The following RABGAP1L variants were observed in gnomAD, a reference collection of about 807,000 sequenced individuals.
The protein encoded by RABGAP1L is rab GTPase-activating protein 1-like.
A neutral mutation model predicts 137.7 loss-of-function variants in RABGAP1L; 63 were observed. The observed-to-expected ratio is 0.46, with a 90% CI of 0.37 to 0.56. The LOEUF is 0.56. Among genes scored for constraint, RABGAP1L ranks in the 20% least tolerant of loss-of-function variants. The pLI, the probability that RABGAP1L is intolerant of heterozygous loss-of-function variation, is 0.00. For synonymous variants in RABGAP1L, 431 were observed against 433.7 expected (o/e 0.99, Z 0.08); for missense variants, 1,095 against 1,244.0 (o/e 0.88, Z 1.80).
chr1:174,813,904 T>C (rs2148863961), intron 19 of RABGAP1L, among the ~76,000 whole-genome samples: 1 of 152,284 alleles, frequency 6.6e-6, no homozygotes, highest in African/African-American at 2.4e-5. Flanking sequence ...AAATAAAATA[T>C]TTATTTCTAA....
chr1:174,313,430 T>C (rs1335890342), intron 11 of RABGAP1L, among the ~76,000 whole-genome samples: 2 of 152,194 alleles, frequency 1.3e-5, no homozygotes, highest in Non-Finnish European at 2.9e-5. Context: ...TTGACTTCTT[T>C]CTTTCCAATT....
At chr1:174,240,382 G>C (rs1671702048) in intron 4 of RABGAP1L, among the ~76,000 whole-genome samples, 1 of 152,182 alleles carries the variant, frequency 6.6e-6, no homozygotes, top group Non-Finnish European at 1.5e-5. Context: ...GAATAGCTGG[G>C]AATACCGGTT....
At chr1:174,754,354 A>G (rs1331267244) in intron 18 of RABGAP1L, among the ~76,000 whole-genome samples, 1 of 152,230 alleles carries the variant, frequency 6.6e-6, no homozygotes, top group African/African-American at 2.4e-5. Flanking sequence ...GGAAAAAAAG[A>G]ATACGCAAAC....
intron 10 of RABGAP1L, among the ~76,000 whole-genome samples, chr1:174,286,399 A>G (rs1270830671): frequency 6.6e-6 from 1 of 152,010 alleles, no homozygotes; most frequent in Non-Finnish European, 1.5e-5. Context: ...TTTCTGTGGT[A>G]TCAGTTATAA....
chr1:174,402,386 T>G (rs1372098137), intron 13 of RABGAP1L, among the ~76,000 whole-genome samples: 1 of 152,168 alleles, frequency 6.6e-6, no homozygotes, highest in Non-Finnish European at 1.5e-5. Context: ...ACTATCTCAT[T>G]TCTATATACT....
At chr1:174,925,329 CAG>C (rs1328234413) in intron 19 of RABGAP1L, among the ~76,000 whole-genome samples, 1 of 115,310 alleles carries the variant, frequency 8.7e-6, no homozygotes, top group Non-Finnish European at 1.6e-5. Context: ...GCCTGGGAGA[CAG>C]AGCGAGACTC....
chr1:174,588,269 T>G (rs6701696), intron 13 of RABGAP1L, among the ~76,000 whole-genome samples: 21,680 of 151,978 alleles, frequency 0.14, 5,193 homozygotes, highest in African/African-American at 0.49. Context: ...GTTCAAGTAA[T>G]TCTCCTGCCT....
intron 14 of RABGAP1L, among the ~76,000 whole-genome samples, chr1:174,656,552 T>A (rs2148407642): frequency 6.6e-6 from 1 of 152,330 alleles, no homozygotes; most frequent in African/African-American, 2.4e-5. Flanking sequence ...TTCAGAACAT[T>A]TCCATCAGTC....
chr1:174,693,970 G>T lies in RABGAP1L; in HGVS notation c.1900-5555G>T, dbSNP rs191537798. Reference sequence around the variant, plus strand: ...TTCATGTCTGCAGGTTCAACCAATCGTGGATGAAAAATATTTGGAAACATT... The same window carrying T: ...TTCATGTCTGCAGGTTCAACCAATCTTGGATGAAAAATATTTGGAAACATT... On this transcript the variant is annotated intron_variant, in intron 15 of 25. Transcript: ENST00000681986. Among the ~76,000 whole-genome samples the T allele has an allele frequency of 2.4e-3, 360 of 152,180 alleles. 2 individuals are homozygous for T. The highest frequency in any genetic ancestry group is 7.8e-3 in the African/African-American group (326 of 41,530).
intron 14 of RABGAP1L, among the ~76,000 whole-genome samples, chr1:174,657,888 A>G (rs1175321124): frequency 1.3e-5 from 2 of 152,200 alleles, no homozygotes; most frequent in African/African-American, 4.8e-5. Context: ...AGTTGCCTGT[A>G]ACTGCTTTTG....
chr1:174,271,335 T>C (rs1359198905), intron 7 of RABGAP1L, among the ~76,000 whole-genome samples: 1 of 152,112 alleles, frequency 6.6e-6, no homozygotes, highest in Non-Finnish European at 1.5e-5. Context: ...GCATTAGCCA[T>C]GATACTAGGA....
intron 21 of RABGAP1L, among the ~76,000 whole-genome samples, chr1:174,973,327 G>A (rs1670313917): frequency 6.7e-6 from 1 of 149,924 alleles, no homozygotes; most frequent in African/African-American, 2.4e-5. Context: ...AGGTGTTTTT[G>A]AAAAAAATTC....
intron 13 of RABGAP1L, among the ~76,000 whole-genome samples, chr1:174,498,461 T>G (rs1235559103): frequency 1.3e-5 from 2 of 152,136 alleles, no homozygotes; most frequent in Non-Finnish European, 2.9e-5. Context: ...AATACATATA[T>G]TTAAACTGAA....
rs549582900 is a variant in RABGAP1L at position 174,499,644 on chromosome 1, G to A, written c.1710+105499G>A. Among the ~76,000 whole-genome samples the A allele has an allele frequency of 1.5e-4, 23 of 152,292 alleles. No individual in the cohort carries two copies. In the South Asian group the frequency reaches 4.8e-3, roughly 32 times the overall value. ...CAGTTTCCTTGGTTATGAAATGGGA[G>A]TGATGGCAATTATCTCAACGAATTA... On this transcript the variant is annotated intron_variant, in intron 13 of 25. Coordinates refer to ENST00000681986, the MANE Select transcript of RABGAP1L (RefSeq NM_001366446.1).
At chr1:174,957,605 C>T (rs920729873) in intron 20 of RABGAP1L, 56 bp downstream of exon 20, 2 of 1,442,550 alleles carry the variant, frequency 1.4e-6, no homozygotes, top group Non-Finnish European at 1.9e-6. Flanking sequence ...TTAAATGAGA[C>T]TGAGTCTTGC....
intron 13 of RABGAP1L, among the ~76,000 whole-genome samples, chr1:174,446,283 G>A (rs1290429402): frequency 1.3e-5 from 2 of 152,170 alleles, no homozygotes. Flanking sequence ...GAACTGTTTT[G>A]TGATAAGTGA....
intron 19 of RABGAP1L, among the ~76,000 whole-genome samples, chr1:174,868,031 T>G (rs1651581065): frequency 6.6e-6 from 1 of 152,058 alleles, no homozygotes; most frequent in African/African-American, 2.4e-5. Context: ...AGTGGCACGA[T>G]CTCTGCTCAC....
chr1:174,192,885 T>C (rs1305625729), intron 1 of RABGAP1L, among the ~76,000 whole-genome samples: 2 of 152,196 alleles, frequency 1.3e-5, no homozygotes, highest in East Asian at 3.9e-4. Context: ...GACAATGCTG[T>C]CGTTACTGTA....
chr1:174,611,344 T>G (rs958179078), intron 13 of RABGAP1L, among the ~76,000 whole-genome samples: 1 of 152,180 alleles, frequency 6.6e-6, no homozygotes, highest in African/African-American at 2.4e-5. Context: ...TTTCTCAGGT[T>G]TGTCAAAAAT....
Sources: gnomAD v4.1 joint callset for allele counts (sites outside exome capture counted in the v4.1 genomes callset) on GRCh38, gnomAD v4.1.1 for gene constraint, MANE v1.5 for transcripts, NCBI Gene and HGNC (gene_info 2026-07-23, HGNC 2026-07-21) for gene names.